The following TRAPPC9 variants were observed in gnomAD, a reference collection of about 807,000 sequenced individuals.
The protein encoded by TRAPPC9 is trafficking protein particle complex subunit 9.
A neutral mutation model predicts 124.0 loss-of-function variants in TRAPPC9; 83 were observed. That is an observed-to-expected ratio of 0.67 (90% CI 0.56 to 0.80). The LOEUF (loss-of-function observed/expected upper bound fraction) is 0.80. Ranked by LOEUF, TRAPPC9 falls within the 30% of genes least tolerant of loss-of-function variation. The pLI is 0.00. For missense variants in TRAPPC9, 1,302 were observed against 1,508.3 expected (o/e 0.86, Z 2.27); for synonymous variants, 638 against 617.5 (o/e 1.03, Z -0.49).
chr8:140,458,202 G>T (rs1372332379), upstream of TRAPPC9: 13 of 1,550,050 alleles, frequency 8.4e-6, no homozygotes, highest in African/African-American at 1.8e-4. Flanking sequence ...CGGAGCAAGA[G>T]AACAGAGACT....
intron 21 of TRAPPC9, among the ~76,000 whole-genome samples, chr8:139,756,431 T>A (rs1463150521): frequency 4.6e-4 from 41 of 88,674 alleles, no homozygotes; most frequent in Middle Eastern, 0.013. Flanking sequence ...GGAGCCAGGG[T>A]TTGGGGATGA....
chr8:140,038,565 C>A (rs1012015663), intron 17 of TRAPPC9, among the ~76,000 whole-genome samples: 1 of 152,216 alleles, frequency 6.6e-6, no homozygotes, highest in Non-Finnish European at 1.5e-5. Context: ...TGGCTCCACG[C>A]ACACTGCTGT....
At chr8:139,814,870 C>T (rs576850267) in intron 21 of TRAPPC9, among the ~76,000 whole-genome samples, 9 of 152,200 alleles carry the variant, frequency 5.9e-5, no homozygotes, top group African/African-American at 1.9e-4. Flanking sequence ...AATCACCCAA[C>T]GTGCTTGCAG....
intron 21 of TRAPPC9, among the ~76,000 whole-genome samples, chr8:139,878,489 T>A (rs1829474741): frequency 2.9e-5 from 2 of 70,172 alleles, no homozygotes; most frequent in African/African-American, 9.0e-5. Context: ...GGAACTCATA[T>A]TTGAACCTGG....
Position 139,907,155 on chromosome 8 carries a change from A to G in TRAPPC9, c.2964+2992T>C, listed in dbSNP as rs1022767401. The stretch of plus-strand genomic sequence containing the variant: ...CAAATCTGTACCATATTTGTCATTA[A>G]CAGGTGAAGAGTGGGGTGAGAGCTC... On this transcript the variant is annotated intron_variant, in intron 20 of 22. Coordinates refer to ENST00000438773, the MANE Select transcript of TRAPPC9 (RefSeq NM_001160372.4). This position sits in a 1 kb window ranked among gnomAD's most constrained non-coding sequence, Gnocchi z 4.7. 7.9e-5 allele frequency among the ~76,000 whole-genome samples: 12 copies of G among 152,108 alleles called. No homozygotes were observed. The highest frequency in any genetic ancestry group is 1.6e-4 in the Non-Finnish European group (11 of 68,018).
intron 5 of TRAPPC9, among the ~76,000 whole-genome samples, chr8:140,406,981 C>T (rs565593256): frequency 8.5e-5 from 13 of 152,218 alleles, no homozygotes; most frequent in Non-Finnish European, 1.6e-4. Flanking sequence ...CCCCAGGTAC[C>T]AGGCACCCCT....
intron 18 of TRAPPC9, among the ~76,000 whole-genome samples, chr8:140,023,338 C>A (rs959809886): frequency 6.6e-6 from 1 of 152,218 alleles, no homozygotes. Context: ...AAAAGAATAC[C>A]CTGAGTATCT....
intron 21 of TRAPPC9, among the ~76,000 whole-genome samples, chr8:139,757,547 C>T (rs115862821): frequency 1.1e-4 from 16 of 148,250 alleles, no homozygotes; most frequent in East Asian, 2.0e-4. Flanking sequence ...AGCGTGTCGC[C>T]GGAGGAGCCA....
At position 140,353,555 on chromosome 8, in the gene TRAPPC9, C is replaced by G. The variant is rs79726738; in HGVS notation, c.1495+6495G>C. Among the ~76,000 whole-genome samples the G allele has an allele frequency of 0.036, 5,519 of 152,234 alleles. 212 individuals are homozygous for G. Among genetic ancestry groups the G allele is most frequent in the African/African-American group, 0.099 (4,109 of 41,514 alleles). ...CTTTTTAAGCTACGTGATGTGAAAGCCGCGAGTCTTTTTTATTTTCCACAG... is the reference window on the plus strand; with the variant it reads ...CTTTTTAAGCTACGTGATGTGAAAGGCGCGAGTCTTTTTTATTTTCCACAG... On this transcript the variant is annotated intron_variant, in intron 9 of 22. Coordinates refer to ENST00000438773, the MANE Select transcript of TRAPPC9 (RefSeq NM_001160372.4). This position sits in a 1 kb window ranked among gnomAD's most constrained non-coding sequence, Gnocchi z 4.2.
At chr8:140,426,760 T>C (rs2070437212) in intron 4 of TRAPPC9, 119 bp from the exon 5 acceptor site, 1 of 968,804 alleles carries the variant, frequency 1.0e-6, no homozygotes, top group Admixed American at 2.0e-5. Context: ...TTGTATCTGA[T>C]CAGAAAAGCA....
Position 139,898,051 on chromosome 8 carries a change from A to T in TRAPPC9, c.2965-12082T>A, listed in dbSNP as rs1251538647. 3.3e-5 allele frequency among the ~76,000 whole-genome samples: 5 copies of T among 152,372 alleles called. No individual in the cohort carries two copies. The South Asian group carries it at 6.2e-4, about 19-fold the overall frequency. On this transcript the variant is annotated intron_variant, in intron 20 of 22. Coordinates refer to ENST00000438773, the MANE Select transcript of TRAPPC9 (RefSeq NM_001160372.4). ...CTCTGTGTTATTGGCTTAGGCCAAT[A>T]ACGGTGTCAGCTCGTCCCCTGCCAG... is the stretch of plus-strand genomic sequence containing the variant.
At chr8:140,375,943 T>C (rs575827578) in intron 7 of TRAPPC9, among the ~76,000 whole-genome samples, 1 of 152,288 alleles carries the variant, frequency 6.6e-6, no homozygotes, top group South Asian at 2.1e-4. Context: ...AAACACACTC[T>C]GCTCCTCTCT....
rs117380616 is a variant in TRAPPC9, at chr8:140,080,557, A to G, written c.2557-56478T>C. On this transcript the variant is annotated intron_variant, in intron 17 of 22. Transcript: ENST00000438773. ...GTGCATAAGGAGTGAGTCTTGCTTT[A>G]TAACAACCCACTCTCATGTTGACTG... is the stretch of plus-strand genomic sequence containing the variant. 2.4e-3 allele frequency among the ~76,000 whole-genome samples: 360 copies of G among 152,306 alleles called. 3 individuals carry two copies. The East Asian group carries it at 0.03, about 13-fold the overall frequency.
At chr8:140,064,110 T>C in intron 17 of TRAPPC9, among the ~76,000 whole-genome samples, 1 of 152,058 alleles carries the variant, frequency 6.6e-6, no homozygotes, top group East Asian at 1.9e-4. Flanking sequence ...TACAATGACA[T>C]AGTCACATAA....
chr8:140,192,712 T>C (rs1255689058), intron 17 of TRAPPC9, among the ~76,000 whole-genome samples: 11 of 152,348 alleles, frequency 7.2e-5, no homozygotes. Flanking sequence ...ACTAATCATA[T>C]AAAAACTACT....
intron 20 of TRAPPC9, among the ~76,000 whole-genome samples, chr8:139,892,971 G>A (rs1285134953): frequency 6.6e-6 from 1 of 152,242 alleles, no homozygotes; most frequent in Non-Finnish European, 1.5e-5. Context: ...TCTGGACAGA[G>A]GGAGTCCCCA....
rs541714099 is a variant in TRAPPC9, at chr8:140,048,487, A to G, written c.2557-24408T>C. Among the ~76,000 whole-genome samples the G allele has an allele frequency of 3.9e-5, 6 of 152,206 alleles. No homozygotes were observed. In the East Asian group the frequency reaches 9.7e-4, roughly 25 times the overall value. ...CCAGGTGCCAGGCCAGGATCATGAG[A>G]GCGAGTTTAGGCTCATGTAATCCTT... On this transcript the variant is annotated intron_variant, in intron 17 of 22. Transcript: ENST00000438773.
Position 140,301,873 on chromosome 8 carries a change from A to G in TRAPPC9, c.1623-1259T>C, listed in dbSNP as rs138368384. Among the ~76,000 whole-genome samples, 70 of 152,260 alleles carry G rather than the reference A, an allele frequency of 4.6e-4. No homozygotes were observed. The East Asian group carries it at 0.014, about 29-fold the overall frequency. On this transcript the variant is annotated intron_variant, in intron 10 of 22. Transcript: ENST00000438773. The stretch of plus-strand genomic sequence containing the variant: ...AGGCTGGACATTGAGAAGGTGGAGC[A>G]CCAGACAGATGCGGCCTGGAGCACT...
At chr8:139,791,607 C>G (rs2130607715) in intron 21 of TRAPPC9, among the ~76,000 whole-genome samples, 1 of 152,322 alleles carries the variant, frequency 6.6e-6, no homozygotes, top group East Asian at 1.9e-4. Context: ...CACACAGGCG[C>G]CCGTCTCCCC....
Sources: gnomAD v4.1 joint callset for allele counts (sites outside exome capture counted in the v4.1 genomes callset) on GRCh38, gnomAD v4.1.1 for gene constraint, Gnocchi (gnomAD v3.1) non-coding constraint, MANE v1.5 for transcripts, NCBI Gene and HGNC (gene_info 2026-07-23, HGNC 2026-07-21) for gene names.